The following SLC36A2 variants were observed in gnomAD, a reference collection of about 807,000 sequenced individuals.
SLC36A2 encodes the protein proton-coupled amino acid transporter 2.
Under a neutral mutation model 42.7 loss-of-function variants are expected in SLC36A2, and 39 were observed. The ratio of observed to expected loss-of-function variants is 0.91; its 90% confidence interval spans 0.71 to 1.19. The LOEUF (loss-of-function observed/expected upper bound fraction) is 1.19, where lower values mean the gene tolerates loss of function less well. Among genes scored for constraint, SLC36A2 ranks in the 50% most tolerant of loss-of-function variants. The probability of loss-of-function intolerance (pLI) is 0.00; values close to 1 mark genes in which losing one functional copy is unlikely to be tolerated. For missense variants in SLC36A2, 590 were observed against 613.7 expected (o/e 0.96, Z 0.41); for synonymous variants, 237 against 240.8 (o/e 0.98, Z 0.15).
chr5:151,339,224 C>T, intron 4 of SLC36A2, 80 bp from the exon 5 acceptor site: 2 of 1,110,540 alleles, frequency 1.8e-6, no homozygotes, highest in Non-Finnish European at 2.7e-6. Flanking sequence ...GCCATTCTGC[C>T]CTCTGTTCCC....
chr5:151,340,502 G>T (rs1756312674), intron 4 of SLC36A2, among the ~76,000 whole-genome samples: 2 of 152,164 alleles, frequency 1.3e-5, no homozygotes, highest in South Asian at 4.1e-4. Context: ...AGAATGAGGA[G>T]AGTAGAAGAC....
In SLC36A2 at chr5:151,325,191, G is replaced by A. The variant is rs376979484; in HGVS notation, c.1010+95C>T. 1.1e-4 allele frequency: 160 copies of A among 1,432,194 alleles called. No individual in the cohort carries two copies. The African/African-American group carries it at 1.8e-3, about 16-fold the overall frequency. The allele number at this position is 1,432,194 out of a possible 1,614,324, so 88.7% of individuals were successfully genotyped here. A position where few individuals can be genotyped will look rare whatever the true frequency, so the allele number is the denominator to read the frequency against. ...TGCTTCTTCTGTGGGAGGCTCTCTA[G>A]ACCTCAGTTTCCCAGCTGTGGAAGG... On this transcript the variant is annotated intron_variant, in intron 8 of 9. Transcript: ENST00000335244.
At chr5:151,329,029 G>A (rs1755924070) in intron 7 of SLC36A2, among the ~76,000 whole-genome samples, 1 of 152,202 alleles carries the variant, frequency 6.6e-6, no homozygotes, top group African/African-American at 2.4e-5. Flanking sequence ...GCGAGCTGGC[G>A]AGTGTGCGGG....
chr5:151,342,227 C>G (rs1398380185), intron 4 of SLC36A2, among the ~76,000 whole-genome samples: 1 of 152,198 alleles, frequency 6.6e-6, no homozygotes, highest in Non-Finnish European at 1.5e-5. Flanking sequence ...TTCAGTTCCA[C>G]CTCCCTGACT....
At chr5:151,338,769 T>C (rs1023721809) in intron 5 of SLC36A2, 2 of 311,320 alleles carry the variant, frequency 6.4e-6, no homozygotes, top group African/African-American at 4.3e-5. Context: ...TTAAGTATAA[T>C]TAAGCTTCAA....
At chr5:151,336,930 A>G (rs758130696) in intron 5 of SLC36A2, among the ~76,000 whole-genome samples, 1 of 152,224 alleles carries the variant, frequency 6.6e-6, no homozygotes, top group Non-Finnish European at 1.5e-5. Flanking sequence ...TCTATACAAT[A>G]TCACAAATTA....
chr5:151,337,082 C>A (rs984952983), intron 5 of SLC36A2, among the ~76,000 whole-genome samples: 4 of 152,124 alleles, frequency 2.6e-5, no homozygotes, highest in Non-Finnish European at 5.9e-5. Context: ...TCTGATTCCT[C>A]ACTACAATTG....
intron 7 of SLC36A2, among the ~76,000 whole-genome samples, chr5:151,330,456 C>T (rs1044894179): frequency 3.2e-4 from 49 of 151,884 alleles, no homozygotes; most frequent in Admixed American, 2.6e-3. Context: ...CAAAAATATC[C>T]TCTAGGAATA....
intron 5 of SLC36A2, 36 bp from the exon 6 acceptor site, chr5:151,335,583 G>T: frequency 6.9e-7 from 1 of 1,452,816 alleles, no homozygotes; most frequent in Non-Finnish European, 9.7e-7. Context: ...AGGGGGAGAT[G>T]ATGAGTCTTC....
intron 7 of SLC36A2, among the ~76,000 whole-genome samples, chr5:151,330,897 A>G (rs1228761480): frequency 6.6e-6 from 1 of 152,244 alleles, no homozygotes; most frequent in African/African-American, 2.4e-5. Context: ...AGAAAAAGAT[A>G]TAGCCAAAAA....
At chr5:151,344,117 C>T in intron 2 of SLC36A2, 60 bp downstream of exon 2, 3 of 1,504,802 alleles carry the variant, frequency 2.0e-6, no homozygotes, top group Non-Finnish European at 2.8e-6. Flanking sequence ...GCTAGAGCCT[C>T]TCCTCTTACT....
At chr5:151,337,367 A>G (rs1756190195) in intron 5 of SLC36A2, among the ~76,000 whole-genome samples, 2 of 152,166 alleles carry the variant, frequency 1.3e-5, no homozygotes, top group Non-Finnish European at 2.9e-5. Context: ...GATCTCTGCA[A>G]TGTAGTTTGC....
rs145424088 is a variant in SLC36A2 at position 151,347,323 on chromosome 5, T to C, written c.138A>G (p.Ala46=). ...TFLDESPSES[A]GLKKTKGITV... The stretch of plus-strand genomic sequence containing the variant: ...TTATGCCCTTGGTCTTCTTCAAGCC[T>C]GCTGACTCTGAAGGACTTTCATCCA... The change falls in exon 1 of 10, where the codon GCA becomes GCG. Residue 46 remains alanine, a synonymous_variant. Transcript: ENST00000335244. 1 of 1,614,254 alleles carries C rather than the reference T, an allele frequency of 6.2e-7. No homozygotes were observed. The highest frequency in any genetic ancestry group is 1.1e-5 in the South Asian group (1 of 91,084).
At chr5:151,320,184 G>T (rs936417509) in intron 9 of SLC36A2, among the ~76,000 whole-genome samples, 1 of 151,856 alleles carries the variant, frequency 6.6e-6, no homozygotes, top group African/African-American at 2.4e-5. Flanking sequence ...CCATGAAAAA[G>T]TAGTAAATGG....
rs146301238 is a variant in SLC36A2 at position 151,344,203 on chromosome 5, G to T, written c.229C>A (p.Leu77Ile). 100 of 1,614,050 alleles carry T rather than the reference G, an allele frequency of 6.2e-5. No individual in the cohort carries two copies. Among genetic ancestry groups the T allele is most frequent in the Middle Eastern group, 1.6e-4 (1 of 6,082 alleles). Residue 77 changes from leucine (L) to isoleucine (I), a missense_variant, in exon 2 of 10, where the codon CTC (leucine) becomes ATC (isoleucine). Leu to Ile is a conservative substitution (Grantham distance 5). Coordinates refer to ENST00000335244, the MANE Select transcript of SLC36A2 (RefSeq NM_181776.3). ...AGGATGCCCGCGTTCTTCACAGCGA[G>T]GGGTAGTCCCAGGATCCCTGTGCCC... Reference protein sequence around the residue: ...NMGTGILGLPLAVKNAGILMG... With the variant: ...NMGTGILGLPIAVKNAGILMG...
At chr5:151,319,855 A>C (rs1755632798) in intron 9 of SLC36A2, 1 of 152,262 alleles carries the variant, frequency 6.6e-6, no homozygotes, top group South Asian at 2.1e-4. Context: ...GCAGCTTGAG[A>C]TATATTCTTA....
intron 9 of SLC36A2, among the ~76,000 whole-genome samples, chr5:151,318,430 AAAT>A (rs1050697008): frequency 8.1e-6 from 1 of 124,092 alleles, no homozygotes; most frequent in Non-Finnish European, 1.6e-5. Flanking sequence ...TAAATAATAT[AAAT>A]AAATAATACA....
Position 151,316,954 on chromosome 5 carries a change from G to C in SLC36A2, c.1315C>G (p.Leu439Val). 6.2e-7 allele frequency: 1 copy of C among 1,614,000 alleles called. No homozygotes were observed. Among genetic ancestry groups the C allele is most frequent in the Non-Finnish European group, 8.5e-7 (1 of 1,179,954 alleles). The change falls in exon 10 of 10, where the codon CTC becomes GTC. Residue 439 changes from leucine to valine, a missense_variant. Transcript: ENST00000335244. ...ATCAGGGCGTCCTTGAAGATGGTGA[G>C]GGGGCTCATGCCCTCTGAGTAGAAC... ...TTFYSEGMSP[L>V]TIFKDALISI...
chr5:151,343,533 C>T lies in SLC36A2; in HGVS notation c.321G>A (p.Lys107=). The change falls in exon 3 of 10, where the codon AAG becomes AAA. Residue 107 remains lysine (K), a synonymous_variant. Transcript: ENST00000335244. ...IACHCMHILV[K]CAQRFCKRLN... ...ACCTCTTACAGAAGCGCTGGGCACA[C>T]TTGACCAGGATGTGCATACAGTGGC... The T allele has an allele frequency of 6.2e-7, 1 of 1,614,186 alleles. No individual in the cohort carries two copies. Among genetic ancestry groups the T allele is most frequent in the African/African-American group, 1.3e-5 (1 of 75,044 alleles).
Sources: gnomAD v4.1 joint callset for allele counts (sites outside exome capture counted in the v4.1 genomes callset) on GRCh38, gnomAD v4.1.1 for gene constraint, MANE v1.5 for transcripts, NCBI Gene and HGNC (gene_info 2026-07-23, HGNC 2026-07-21) for gene names.